Variants in LRP3 observed in about 807,000 individuals in gnomAD.
LRP3 encodes the protein low-density lipoprotein receptor-related protein 3.
LRP3 carries 49 observed loss-of-function variants against 58.5 expected under a neutral mutation model. The ratio of observed to expected loss-of-function variants is 0.84; its 90% CI spans 0.67 to 1.06. The LOEUF (loss-of-function observed/expected upper bound fraction) is 1.06. LRP3 is among the 50% of genes least tolerant of loss of function. LRP3 has a pLI of 0.00. For synonymous variants in LRP3, 485 were observed against 492.2 expected (o/e 0.99, Z 0.20); for missense variants, 1,019 against 1,134.2 (o/e 0.90, Z 1.46).
chr19:33,205,465 G>A lies in LRP3; in HGVS notation c.695G>A (p.Arg232Gln), dbSNP rs766931915. The change falls in exon 5 of 7, where the codon CGG becomes CAG. Residue 232 changes from arginine (R) to glutamine (Q), a missense_variant. Transcript: ENST00000253193. ...TCCACGCGCTGCCTGCCTGTGGAGC[G>A]GCGCTGTGACGGCTTGCAGGACTGC... ...ARSTRCLPVE[R>Q]RCDGLQDCGD... 1.3e-5 allele frequency: 21 copies of A among 1,585,482 alleles called. No homozygotes were observed. The highest frequency in any genetic ancestry group is 1.7e-5 in the Admixed American group (1 of 58,282).
intron 1 of LRP3, 47 bp from the exon 2 acceptor site, chr19:33,196,683 C>T: frequency 1.3e-6 from 2 of 1,587,660 alleles, no homozygotes; most frequent in African/African-American, 2.7e-5. Flanking sequence ...CTGCTGGTCC[C>T]CAGCAGGTAT....
At position 33,204,731 on chromosome 19, in the gene LRP3, C is replaced by T. The variant is rs201039265; in HGVS notation, c.354C>T (p.Arg118=). Residue 118 remains arginine (R), a synonymous_variant, in exon 4 of 7, where the codon CGC becomes CGT. Transcript: ENST00000253193. ...CCCCACCCCGCCAGGAGGCCTTCCG[C>T]CTCTGTGGCTCCGCCATCCCACCTG... The part of the protein sequence containing the change: ...PAAPPRQEAF[R]LCGSAIPPAF... 1.2e-6 allele frequency: 2 copies of T among 1,611,934 alleles called. No individual in the cohort carries two copies. The highest frequency in any genetic ancestry group is 1.3e-5 in the African/African-American group (1 of 75,054).
intron 2 of LRP3, 66 bp from the exon 3 acceptor site, chr19:33,202,782 C>T (rs866681767): frequency 1.3e-6 from 2 of 1,500,650 alleles, no homozygotes; most frequent in Non-Finnish European, 8.9e-7. Context: ...AAGCCCCCTT[C>T]CCCCCACTGC....
In LRP3 at chr19:33,197,934, C is replaced by T. The variant is rs1357061067; in HGVS notation, c.121+1157C>T. Among the ~76,000 whole-genome samples, 7 of 152,316 alleles carry T rather than the reference C, an allele frequency of 4.6e-5. No individual in the cohort carries two copies. The East Asian group carries it at 5.8e-4, about 13-fold the overall frequency. On this transcript the variant is annotated intron_variant, in intron 2 of 6. Transcript: ENST00000253193. ...AGGAGCCCGGCCTCCTCTGATGCTT[C>T]GGGCTGGCTCAAGGCCGGGCCTTGC...
intron 4 of LRP3, 149 bp from the exon 5 acceptor site, chr19:33,205,097 G>T (rs1974385637): frequency 1.1e-6 from 1 of 920,308 alleles, no homozygotes; most frequent in Non-Finnish European, 1.6e-6. Context: ...CCCAGGCTCA[G>T]GTCAGGGACA....
chr19:33,201,046 C>A (rs1974336140), intron 2 of LRP3, among the ~76,000 whole-genome samples: 1 of 152,242 alleles, frequency 6.6e-6, no homozygotes, highest in Non-Finnish European at 1.5e-5. Flanking sequence ...ATGGCTCCAG[C>A]TGCCCAGCAG....
At chr19:33,199,204 A>G (rs1476464047) in intron 2 of LRP3, among the ~76,000 whole-genome samples, 2 of 152,042 alleles carry the variant, frequency 1.3e-5, no homozygotes, top group African/African-American at 4.8e-5. Context: ...CCGCTGCTAC[A>G]CAGCCTGTCA....
chr19:33,200,185 T>A (rs1974327277), intron 2 of LRP3, among the ~76,000 whole-genome samples: 1 of 152,226 alleles, frequency 6.6e-6, no homozygotes, highest in East Asian at 1.9e-4. Context: ...GAACCTCCTG[T>A]TCGGCCCCCT....
Position 33,208,662 on chromosome 19 carries a change from G to A in LRP3, c.*1087G>A, listed in dbSNP as rs1057343150. 4 of 596,900 alleles carry A rather than the reference G, an allele frequency of 6.7e-6. No homozygotes were observed. Among genetic ancestry groups the A allele is most frequent in the African/African-American group, 5.6e-5 (3 of 53,872 alleles). 37.0% of individuals were successfully genotyped at this position (596,900 alleles called of 1,614,324 possible). On this transcript the variant is annotated 3_prime_UTR_variant, in exon 7 of 7. Transcript: ENST00000253193. This position sits in a 1 kb window ranked among gnomAD's most constrained non-coding sequence, Gnocchi z 4.7. ...CCATCAGGGACTCCCCATAGCACGA[G>A]CGAACAGCCAGCCCTGTTTATTTAT...
At chr19:33,196,238 G>T (rs747176415) in intron 1 of LRP3, among the ~76,000 whole-genome samples, 3 of 152,112 alleles carry the variant, frequency 2.0e-5, no homozygotes, top group African/African-American at 7.2e-5. Flanking sequence ...AAGCCCCTTG[G>T]TAGGGGGAAG....
chr19:33,200,142 C>A (rs903764863), intron 2 of LRP3, among the ~76,000 whole-genome samples: 1 of 152,246 alleles, frequency 6.6e-6, no homozygotes, highest in African/African-American at 2.4e-5. Context: ...GGGGACCATA[C>A]CACTTCAGCC....
chr19:33,199,389 A>C (rs1974317975), intron 2 of LRP3, among the ~76,000 whole-genome samples: 1 of 151,668 alleles, frequency 6.6e-6, no homozygotes, highest in Admixed American at 6.6e-5. Flanking sequence ...TGGGAGGATC[A>C]CTTGAGCCTG....
chr19:33,202,364 T>C (rs1451839850), intron 2 of LRP3, among the ~76,000 whole-genome samples: 1 of 152,216 alleles, frequency 6.6e-6, no homozygotes, highest in Non-Finnish European at 1.5e-5. Flanking sequence ...TCAGTGTGCC[T>C]ACCATGCATG....
rs1251305228 is a variant in LRP3 at position 33,194,693 on chromosome 19, G to A, written c.-93G>A. 8 of 321,212 alleles carry A rather than the reference G, an allele frequency of 2.5e-5. No individual in the cohort carries two copies. Among genetic ancestry groups the A allele is most frequent in the Admixed American group, 7.4e-5 (1 of 13,598 alleles). 19.9% of individuals were successfully genotyped at this position (321,212 alleles called of 1,614,324 possible). On this transcript the variant is annotated 5_prime_UTR_variant, in exon 1 of 7. Transcript: ENST00000253193. ...CGAGCCCTAGCCCGAGCCCGAGCCC[G>A]AGCCGCAGCCAGAGCCAGAGCCGGA...
chr19:33,202,297 G>A (rs779879295), intron 2 of LRP3, among the ~76,000 whole-genome samples: 5 of 152,196 alleles, frequency 3.3e-5, no homozygotes, highest in Admixed American at 6.5e-5. Context: ...CGTAAAGTTC[G>A]TCTGCTCCCA....
intron 2 of LRP3, 71 bp from the exon 3 acceptor site, chr19:33,202,777 C>T (rs1175732902): frequency 2.0e-6 from 3 of 1,489,718 alleles, no homozygotes; most frequent in Non-Finnish European, 1.8e-6. Flanking sequence ...TGCTGAAGCC[C>T]CCTTCCCCCC....
Position 33,206,041 on chromosome 19 carries a change from AG to A in LRP3, c.1274del (p.Gly425ValfsTer113). Reference sequence around the variant, plus strand: ...TGCCCGCCCGACCAGTACCCCTGCGAGGGTGGCAGTGGTCTGTGCTACACGC... The same window carrying A: ...TGCCCGCCCGACCAGTACCCCTGCGAGGTGGCAGTGGTCTGTGCTACACGC... ...PACPPDQYPC[E>X]GGSGLCYTPA... is the part of the protein sequence containing the mutation. On this transcript the variant is annotated frameshift_variant, in exon 5 of 7. Coordinates refer to ENST00000253193, the MANE Select transcript of LRP3 (RefSeq NM_002333.4). LOFTEE classifies it high-confidence loss of function. 1 of 1,597,564 alleles carries A rather than the reference AG, an allele frequency of 6.3e-7. No individual in the cohort carries two copies.
Position 33,206,640 on chromosome 19 carries a change from C to T in LRP3, c.1632C>T (p.Phe544=), listed in dbSNP as rs1056041. The T allele has an allele frequency of 0.051, 81,518 of 1,602,560 alleles. 2,447 individuals carry two copies. The highest frequency in any genetic ancestry group is 0.14 in the East Asian group (6,071 of 44,724). ...ETQMTRLEAE[F]VRREAPPSYG... ...AGATGACGCGCCTGGAGGCTGAGTTCGTGCGGCGGGAGGCACCCCCATCCT... is the reference window on the plus strand; with the variant it reads ...AGATGACGCGCCTGGAGGCTGAGTTTGTGCGGCGGGAGGCACCCCCATCCT... The change falls in exon 6 of 7, where the codon TTC becomes TTT. Residue 544 remains phenylalanine, a synonymous_variant. Coordinates refer to ENST00000253193, the MANE Select transcript of LRP3 (RefSeq NM_002333.4).
At chr19:33,205,006 G>T in intron 4 of LRP3, 154 bp downstream of exon 4, 1 of 780,822 alleles carries the variant, frequency 1.3e-6, no homozygotes, top group East Asian at 2.7e-5. Flanking sequence ...TGGCAGGACT[G>T]GGCATGCGGA....
Sources: gnomAD v4.1 joint callset for allele counts (sites outside exome capture counted in the v4.1 genomes callset) on GRCh38, gnomAD v4.1.1 for gene constraint, Gnocchi (gnomAD v3.1) non-coding constraint, MANE v1.5 for transcripts, NCBI Gene and HGNC (gene_info 2026-07-23, HGNC 2026-07-21) for gene names.